The following ZHX2 variants were observed in gnomAD, a reference collection of about 807,000 sequenced individuals.
The protein encoded by ZHX2 is zinc fingers and homeoboxes protein 2.
In ZHX2, 6 loss-of-function variants were observed where a neutral mutation model predicts 21.9. That is an observed-to-expected ratio of 0.27 (90% CI 0.15 to 0.54). ZHX2 has a LOEUF of 0.54. Ranked by LOEUF, ZHX2 falls within the 20% of genes least tolerant of loss-of-function variation. ZHX2 has a pLI of 0.95. For synonymous variants in ZHX2, 434 were observed against 437.1 expected, an observed-to-expected ratio of 0.99 and a Z score of 0.09; for missense variants, 908 against 1,090.7, an observed-to-expected ratio of 0.83 and a Z score of 2.36.
At chr8:122,802,874 G>T (rs1407645973) in intron 1 of ZHX2, among the ~76,000 whole-genome samples, 2 of 152,140 alleles carry the variant, frequency 1.3e-5, no homozygotes, top group African/African-American at 2.4e-5. Context: ...CTCTTGGGAA[G>T]TCACTTTTTC....
intron 2 of ZHX2, among the ~76,000 whole-genome samples, chr8:122,906,666 C>CTTTTTT (rs771349214): frequency 4.9e-5 from 6 of 123,424 alleles, no homozygotes; most frequent in Admixed American, 8.7e-5. Context: ...ACATAATTTC[C>CTTTTTT]TTTTTTTTTT....
chr8:122,823,879 G>A (rs1325072920), intron 1 of ZHX2, among the ~76,000 whole-genome samples: 3 of 152,142 alleles, frequency 2.0e-5, no homozygotes, highest in African/African-American at 7.2e-5. Context: ...TGCGTTGTCT[G>A]TCTTCCACAC....
chr8:122,940,799 A>C (rs1554587539), intron 2 of ZHX2, among the ~76,000 whole-genome samples: 1 of 152,152 alleles, frequency 6.6e-6, no homozygotes, highest in Non-Finnish European at 1.5e-5. Context: ...TGTCATAGGG[A>C]TCAAGCAGCA....
At chr8:122,873,351 A>C (rs1419170747) in intron 2 of ZHX2, among the ~76,000 whole-genome samples, 1 of 152,134 alleles carries the variant, frequency 6.6e-6, no homozygotes, top group Non-Finnish European at 1.5e-5. Context: ...CCTCTGTAGC[A>C]TGCTAACCCC....
chr8:122,887,049 CCGTG>C (rs1819858606), intron 2 of ZHX2, among the ~76,000 whole-genome samples: 1 of 110,432 alleles, frequency 9.1e-6, no homozygotes, highest in South Asian at 3.5e-4. Flanking sequence ...TGCTCTGCCA[CCGTG>C]TGTGTGTGTG....
At chr8:122,866,617 C>T (rs1473433702) in intron 2 of ZHX2, among the ~76,000 whole-genome samples, 1 of 152,166 alleles carries the variant, frequency 6.6e-6, no homozygotes, top group East Asian at 1.9e-4. Flanking sequence ...CAGGTGGCCA[C>T]AGCCTCACTT....
intron 1 of ZHX2, among the ~76,000 whole-genome samples, chr8:122,832,616 C>T (rs1035540298): frequency 6.6e-6 from 1 of 152,010 alleles, no homozygotes; most frequent in Admixed American, 6.6e-5. Context: ...ATGGAGAGGG[C>T]CTTTAGCAGC....
chr8:122,788,966 T>C (rs1817457031), intron 1 of ZHX2, among the ~76,000 whole-genome samples: 1 of 152,188 alleles, frequency 6.6e-6, no homozygotes, highest in African/African-American at 2.4e-5. Context: ...CCTCTATCAG[T>C]GTCTCCAAGA....
intron 2 of ZHX2, among the ~76,000 whole-genome samples, chr8:122,878,334 A>G (rs945181324): frequency 6.6e-6 from 1 of 152,232 alleles, no homozygotes; most frequent in African/African-American, 2.4e-5. Context: ...GAAAGTCTAC[A>G]GGGTTCAGTT....
intron 1 of ZHX2, among the ~76,000 whole-genome samples, chr8:122,861,177 G>A (rs928345314): frequency 1.3e-5 from 2 of 152,112 alleles, no homozygotes; most frequent in African/African-American, 2.4e-5. Flanking sequence ...AACGTGGAGT[G>A]AGCGGGTGTC....
Position 122,907,616 on chromosome 8 carries a change from G to A in ZHX2, c.-219-43676G>A, listed in dbSNP as rs190200960. On this transcript the variant is annotated intron_variant, in intron 2 of 3. Transcript: ENST00000314393. The stretch of plus-strand genomic sequence containing the variant: ...AACCTCCCAGAGGTATTGGACAAAT[G>A]AAACTGGTAAAGCTGCTTCCAAAGT... Among the ~76,000 whole-genome samples the A allele has an allele frequency of 3.1e-3, 475 of 152,298 alleles. 3 individuals are homozygous for A. Among genetic ancestry groups the A allele is most frequent in the African/African-American group, 0.011 (452 of 41,554 alleles).
chr8:122,897,486 C>T (rs1820127219), intron 2 of ZHX2, among the ~76,000 whole-genome samples: 1 of 152,084 alleles, frequency 6.6e-6, no homozygotes, highest in Admixed American at 6.5e-5. Context: ...TTGTGTCCCA[C>T]TGTTTGGTTT....
At chr8:122,799,710 A>C (rs1817679735) in intron 1 of ZHX2, among the ~76,000 whole-genome samples, 1 of 152,200 alleles carries the variant, frequency 6.6e-6, no homozygotes, top group African/African-American at 2.4e-5. Flanking sequence ...CTCCTGGGCT[A>C]GGTGACCTGG....
chr8:122,903,779 G>C (rs1303632277), intron 2 of ZHX2, among the ~76,000 whole-genome samples: 1 of 152,148 alleles, frequency 6.6e-6, no homozygotes, highest in South Asian at 2.1e-4. Flanking sequence ...CACGGGGCAG[G>C]TAGATAGATG....
intron 2 of ZHX2, among the ~76,000 whole-genome samples, chr8:122,876,061 A>C: frequency 1.3e-5 from 2 of 148,328 alleles, no homozygotes; most frequent in African/African-American, 2.5e-5. Flanking sequence ...CCATCCACCT[A>C]CCCATCCACC....
At chr8:122,849,370 T>C (rs746359994) in intron 1 of ZHX2, among the ~76,000 whole-genome samples, 2 of 152,214 alleles carry the variant, frequency 1.3e-5, no homozygotes, top group Non-Finnish European at 2.9e-5. Context: ...CTCATTGTAT[T>C]AGTTTCCTGG....
At chr8:122,945,983 G>T (rs1812966702) in intron 2 of ZHX2, among the ~76,000 whole-genome samples, 1 of 152,198 alleles carries the variant, frequency 6.6e-6, no homozygotes, top group South Asian at 2.1e-4. Context: ...GGTTGGCACA[G>T]GATGTGACTG....
At chr8:122,948,194 G>A (rs1422068714) in intron 2 of ZHX2, among the ~76,000 whole-genome samples, 4 of 152,150 alleles carry the variant, frequency 2.6e-5, no homozygotes, top group African/African-American at 9.7e-5. Flanking sequence ...GTGAAAATAA[G>A]TTCTTCGCTT....
chr8:122,781,125 C>A (rs955991379), upstream of ZHX2: 6 of 152,218 alleles, frequency 3.9e-5, no homozygotes, highest in African/African-American at 7.2e-5. This position sits in a 1 kb window ranked among gnomAD's most constrained non-coding sequence, Gnocchi z 4.6. Flanking sequence ...CGGGCCAAGG[C>A]GCAGGCAGCG....
Sources: allele counts gnomAD v4.1 joint callset (sites outside exome capture counted in the v4.1 genomes callset), GRCh38; gene constraint gnomAD v4.1.1; non-coding constraint Gnocchi (gnomAD v3.1); transcripts MANE v1.5; gene names NCBI Gene and HGNC (gene_info 2026-07-23, HGNC 2026-07-21).